Variants in CENPL observed in about 807,000 individuals in gnomAD.
CENPL encodes centromere protein L, also known as interphase centromere complex protein 33.
In CENPL, 20 loss-of-function variants were observed where a neutral mutation model predicts 35.2. The ratio of observed to expected loss-of-function variants is 0.57; its 90% CI spans 0.40 to 0.83. The LOEUF (loss-of-function observed/expected upper bound fraction) is 0.83. Among genes scored for constraint, CENPL ranks in the 40% least tolerant of loss-of-function variants. CENPL has a pLI of 0.00. For synonymous variants in CENPL, 140 were observed against 140.6 expected (o/e 1.00, Z 0.03); for missense variants, 363 against 395.8 (o/e 0.92, Z 0.70).
intron 3 of CENPL, among the ~76,000 whole-genome samples, chr1:173,810,215 A>G (rs1435013213): frequency 6.6e-6 from 1 of 152,234 alleles, no homozygotes; most frequent in Non-Finnish European, 1.5e-5. Context: ...TTGCAGGGAC[A>G]TGGATGGAGC....
intron 5 of CENPL, among the ~76,000 whole-genome samples, chr1:173,802,440 T>A (rs1051098464): frequency 2.0e-5 from 3 of 152,128 alleles, no homozygotes; most frequent in Admixed American, 6.5e-5. Context: ...TCTCCTGACC[T>A]CATGATCCGC....
At chr1:173,821,618 T>C (rs1271873644) in intron 2 of CENPL, among the ~76,000 whole-genome samples, 1 of 152,168 alleles carries the variant, frequency 6.6e-6, no homozygotes, top group Non-Finnish European at 1.5e-5. Context: ...AAATGATTTA[T>C]ACTTATTTTA....
At position 173,802,269 on chromosome 1, in the gene CENPL, G is replaced by A. The variant is rs148215449; in HGVS notation, c.963+694C>T. Among the ~76,000 whole-genome samples, 582 of 151,774 alleles carry A rather than the reference G, an allele frequency of 3.8e-3. 4 individuals carry two copies. The highest frequency in any genetic ancestry group is 0.012 in the African/African-American group (502 of 41,402). On this transcript the variant is annotated intron_variant, in intron 5 of 5. Transcript: ENST00000682279. ...CACCCAGGCTGGAGTGCAGTGGCGC[G>A]ATCTCGGCTCACTACAAGCTCCGCC...
Position 173,816,670 on chromosome 1 carries a change from T to C in CENPL, c.-7-5364A>G, listed in dbSNP as rs1209337367. On this transcript the variant is annotated intron_variant, in intron 2 of 5. Coordinates refer to ENST00000682279, the MANE Select transcript of CENPL (RefSeq NM_001387287.1). Reference sequence around the variant, plus strand: ...AACTGGATCCCTTCCTTACACCTTATACAAAAATTAATTCAAGATGGATTA... The same window carrying C: ...AACTGGATCCCTTCCTTACACCTTACACAAAAATTAATTCAAGATGGATTA... Among the ~76,000 whole-genome samples the C allele has an allele frequency of 3.3e-5, 5 of 152,266 alleles. No homozygotes were observed. In the East Asian group the frequency reaches 7.7e-4, roughly 24 times the overall value.
chr1:173,806,058 A>C (rs1455295803), intron 4 of CENPL, among the ~76,000 whole-genome samples: 1 of 152,222 alleles, frequency 6.6e-6, no homozygotes, highest in Non-Finnish European at 1.5e-5. Flanking sequence ...GTTGCAGCAC[A>C]AAAGCAGCCA....
chr1:173,813,288 A>G (rs957412365), intron 2 of CENPL, among the ~76,000 whole-genome samples: 1 of 152,224 alleles, frequency 6.6e-6, no homozygotes, highest in Non-Finnish European at 1.5e-5. Context: ...CAACCTAGCA[A>G]GGCAGGCCAA....
At position 173,800,444 on chromosome 1, in the gene CENPL, G is replaced by T. The variant is rs373057252; in HGVS notation, c.*4C>A. On this transcript the variant is annotated 3_prime_UTR_variant, in exon 6 of 6. Coordinates refer to ENST00000682279, the MANE Select transcript of CENPL (RefSeq NM_001387287.1). ...AATCTATAACTTATAGTCCACATAA[G>T]GCTTCACTCAATTTGAAAAATTGCC... The T allele has an allele frequency of 4.9e-5, 60 of 1,212,728 alleles. No homozygotes were observed. Among genetic ancestry groups the T allele is most frequent in the Non-Finnish European group, 7.0e-5 (57 of 816,836 alleles). 75.1% of individuals were successfully genotyped at this position (1,212,728 alleles called of 1,614,324 possible). A position where few individuals can be genotyped will look rare whatever the true frequency, so the allele number is the denominator to read the frequency against.
chr1:173,807,497 C>T lies in CENPL; in HGVS notation c.190G>A (p.Val64Ile), dbSNP rs1422792514. Reference protein sequence around the residue: ...QLQEDVDPQKVAFLLHKQWTL... With the variant: ...QLQEDVDPQKIAFLLHKQWTL... ...CACTGTTTATGCAGAAGGAATGCAA[C>T]CTTTTGAGGGTCAACATCTTCCTAT... The change falls in exon 4 of 6, where the codon GTT becomes ATT. Residue 64 changes from valine to isoleucine, a missense_variant. By Grantham distance (29) the Val-to-Ile change is conservative (BLOSUM62 3). Transcript: ENST00000682279. 6.7e-7 allele frequency: 1 copy of T among 1,499,226 alleles called. No homozygotes were observed. Among genetic ancestry groups the T allele is most frequent in the African/African-American group, 1.4e-5 (1 of 72,120 alleles). 92.9% of individuals were successfully genotyped at this position (1,499,226 alleles called of 1,614,324 possible).
At position 173,823,961 on chromosome 1, in the gene CENPL, G is replaced by A. The variant is rs1348722695; in HGVS notation, c.-43C>T. Reference sequence around the variant, plus strand: ...CCGTGATGACGCTGTCACCCATTCCGGATTCACGAATCATTCTTCAAAAGT... The same window carrying A: ...CCGTGATGACGCTGTCACCCATTCCAGATTCACGAATCATTCTTCAAAAGT... On this transcript the variant is annotated 5_prime_UTR_variant, in exon 2 of 6. Coordinates refer to ENST00000682279, the MANE Select transcript of CENPL (RefSeq NM_001387287.1). 1 of 151,698 alleles carries A rather than the reference G, an allele frequency of 6.6e-6. No homozygotes were observed. Among genetic ancestry groups the A allele is most frequent in the Non-Finnish European group, 1.5e-5 (1 of 67,992 alleles). 9.4% of individuals were successfully genotyped at this position (151,698 alleles called of 1,614,324 possible).
chr1:173,801,191 A>C (rs1220542825), intron 5 of CENPL, among the ~76,000 whole-genome samples: 3 of 152,122 alleles, frequency 2.0e-5, no homozygotes, highest in Non-Finnish European at 4.4e-5. Flanking sequence ...TCTTGGCCTC[A>C]GTTTCCTTGT....
At chr1:173,815,749 T>A (rs1651306746) in intron 2 of CENPL, among the ~76,000 whole-genome samples, 1 of 152,120 alleles carries the variant, frequency 6.6e-6, no homozygotes, top group Non-Finnish European at 1.5e-5. Flanking sequence ...GGGCAAAAAC[T>A]GGAAGCATTC....
At chr1:173,805,869 C>A (rs1390810832) in intron 4 of CENPL, among the ~76,000 whole-genome samples, 1 of 152,060 alleles carries the variant, frequency 6.6e-6, no homozygotes, top group Non-Finnish European at 1.5e-5. Flanking sequence ...GACAGTATAC[C>A]ACTATCTTGT....
intron 3 of CENPL, among the ~76,000 whole-genome samples, chr1:173,808,811 T>C (rs765616832): frequency 6.6e-6 from 1 of 152,026 alleles, no homozygotes; most frequent in Non-Finnish European, 1.5e-5. Flanking sequence ...GGCAATACCA[T>C]TCAGGACATA....
rs574403473 is a variant in CENPL, at chr1:173,799,689, G to A, written c.*759C>T. Reference sequence around the variant, plus strand: ...AGGGGATTTTGATTGCCAGTTCTCCGCAGTGAAATGCTAGGAAAATGTCTT... The same window carrying A: ...AGGGGATTTTGATTGCCAGTTCTCCACAGTGAAATGCTAGGAAAATGTCTT... On this transcript the variant is annotated 3_prime_UTR_variant, in exon 6 of 6. Coordinates refer to ENST00000682279, the MANE Select transcript of CENPL (RefSeq NM_001387287.1). 1.3e-3 allele frequency: 195 copies of A among 152,172 alleles called. 1 individual carries two copies. The highest frequency in any genetic ancestry group is 4.4e-3 in the African/African-American group (184 of 41,524). 9.4% of individuals were successfully genotyped at this position (152,172 alleles called of 1,614,324 possible). A position where few individuals can be genotyped will look rare whatever the true frequency, so the allele number is the denominator to read the frequency against.
intron 4 of CENPL, among the ~76,000 whole-genome samples, chr1:173,805,683 G>A (rs1357076278): frequency 1.3e-5 from 2 of 152,080 alleles, no homozygotes; most frequent in African/African-American, 4.8e-5. Flanking sequence ...CTTCCTGCCT[G>A]GAACTTGAAT....
At chr1:173,812,240 G>T (rs1571962826) in intron 2 of CENPL, among the ~76,000 whole-genome samples, 1 of 152,274 alleles carries the variant, frequency 6.6e-6, no homozygotes, top group African/African-American at 2.4e-5. Flanking sequence ...TGTGGGCAGG[G>T]CATAGCTGAA....
intron 2 of CENPL, among the ~76,000 whole-genome samples, chr1:173,813,248 T>C (rs953419599): frequency 5.0e-4 from 76 of 152,250 alleles, no homozygotes; most frequent in African/African-American, 1.8e-3. Context: ...TGGAAAACAC[T>C]CTGCAGGATA....
intron 4 of CENPL, among the ~76,000 whole-genome samples, 172 bp from the exon 5 acceptor site, chr1:173,803,677 C>CT (rs141936109): frequency 1.7e-3 from 243 of 145,904 alleles, no homozygotes; most frequent in African/African-American, 4.6e-3. Flanking sequence ...AATAATTGGC[C>CT]TTTTTTTTTT....
chr1:173,820,731 C>T (rs1463641487), intron 2 of CENPL, among the ~76,000 whole-genome samples: 2 of 152,028 alleles, frequency 1.3e-5, no homozygotes, highest in African/African-American at 4.8e-5. Context: ...TAGTACTCAG[C>T]AATGAAAAGA....
Sources: gnomAD v4.1 joint callset for allele counts (sites outside exome capture counted in the v4.1 genomes callset) on GRCh38, gnomAD v4.1.1 for gene constraint, MANE v1.5 for transcripts, NCBI Gene and HGNC (gene_info 2026-07-23, HGNC 2026-07-21) for gene names.